The following UACA variants were observed in gnomAD, a reference collection of about 807,000 sequenced individuals.
UACA encodes the protein uveal autoantigen with coiled-coil domains and ankyrin repeats.
UACA carries 112 observed loss-of-function variants against 160.5 expected under a neutral mutation model. The ratio of observed to expected loss-of-function variants is 0.70; its 90% CI spans 0.60 to 0.82. UACA has a LOEUF of 0.82. UACA is among the 40% of genes least tolerant of loss of function. The pLI is 0.00. For missense variants in UACA, 1,574 were observed against 1,614.6 expected, an observed-to-expected ratio of 0.97 and a Z score of 0.43; for synonymous variants, 557 against 568.4, an observed-to-expected ratio of 0.98 and a Z score of 0.29.
At position 70,705,036 on chromosome 15, in the gene UACA, G is replaced by A. The variant is rs529012087; in HGVS notation, c.79-5376C>T. On this transcript the variant is annotated intron_variant, in intron 1 of 18. Transcript: ENST00000322954. ...ACTCAGCAGTGTATGAGTGGTTGAA[G>A]TATGTGACTGCTGGGATTGGCCAAG... 3.3e-5 allele frequency among the ~76,000 whole-genome samples: 5 copies of A among 152,314 alleles called. No individual in the cohort carries two copies. In the East Asian group the frequency reaches 9.7e-4, roughly 29 times the overall value.
intron 18 of UACA, 115 bp downstream of exon 18, chr15:70,660,036 A>G (rs995253300): frequency 1.8e-5 from 14 of 757,996 alleles, no homozygotes; most frequent in Admixed American, 1.6e-4. Context: ...TTTTTAAATA[A>G]GCATAGGGGG....
At chr15:70,760,518 G>T (rs2030683385) in intron 1 of UACA, among the ~76,000 whole-genome samples, 1 of 152,050 alleles carries the variant, frequency 6.6e-6, no homozygotes, top group Non-Finnish European at 1.5e-5. Flanking sequence ...TAGAAAAATG[G>T]AAAGGACAGG....
intron 15 of UACA, among the ~76,000 whole-genome samples, chr15:70,670,150 G>T (rs1043196209): frequency 6.6e-6 from 1 of 152,132 alleles, no homozygotes; most frequent in Non-Finnish European, 1.5e-5. Context: ...TAAGATCTCC[G>T]GAGCTGGGTG....
chr15:70,670,812 A>C (rs1052800832), intron 15 of UACA, among the ~76,000 whole-genome samples: 1 of 152,182 alleles, frequency 6.6e-6, no homozygotes. Flanking sequence ...CTATAATTCA[A>C]ATCTCTTATT....
intron 1 of UACA, among the ~76,000 whole-genome samples, chr15:70,716,501 C>G (rs1898825502): frequency 1.3e-5 from 2 of 152,142 alleles, no homozygotes; most frequent in Non-Finnish European, 2.9e-5. Context: ...GAATCTAGAG[C>G]CTAGATTCTC....
At chr15:70,701,967 A>G in intron 1 of UACA, 2 of 1,606,312 alleles carry the variant, frequency 1.2e-6, no homozygotes, top group South Asian at 2.2e-5. Flanking sequence ...GCATTAAGTT[A>G]CAAATCTCTG....
the UACA span, among the ~76,000 whole-genome samples, chr15:70,773,777 GA>G: frequency 6.6e-6 from 1 of 152,174 alleles, no homozygotes; most frequent in South Asian, 2.1e-4. Context: ...AAGAAGATAT[GA>G]AATAGCCAAT....
Position 70,691,312 on chromosome 15 carries a change from T to G in UACA, c.353A>C (p.Gln118Pro), listed in dbSNP as rs1160109907. Residue 118 changes from glutamine (Q) to proline (P), a missense_variant, in exon 4 of 19, where the codon CAA (glutamine) becomes CCA (proline). By Grantham distance (76) the Gln-to-Pro change is moderately conservative (BLOSUM62 -1). Transcript: ENST00000322954. ...AAKYGHALCLQKLLQYNCPTE... is the reference protein window; with the variant it reads ...AAKYGHALCLPKLLQYNCPTE... ...CACTTCCACTACCTGTAGAAGTTTT[T>G]GTAGGCACAATGCATGTCCATACTT... 6.2e-7 allele frequency: 1 copy of G among 1,605,882 alleles called. No individual in the cohort carries two copies. The highest frequency in any genetic ancestry group is 8.5e-7 in the Non-Finnish European group (1 of 1,175,834).
intron 15 of UACA, among the ~76,000 whole-genome samples, 178 bp from the exon 16 acceptor site, chr15:70,669,640 G>C (rs1276808526): frequency 6.6e-6 from 1 of 152,124 alleles, no homozygotes; most frequent in Non-Finnish European, 1.5e-5. Context: ...AACAGTTCTG[G>C]ATATGATTTC....
chr15:70,688,328 T>C (rs1239283641), intron 5 of UACA, among the ~76,000 whole-genome samples: 1 of 152,172 alleles, frequency 6.6e-6, no homozygotes, highest in African/African-American at 2.4e-5. Context: ...AATCACATTA[T>C]GCTTCTTTGA....
Position 70,657,106 on chromosome 15 carries a change from G to C in UACA, c.4201C>G (p.Gln1401Glu). The C allele has an allele frequency of 4.3e-6, 7 of 1,614,108 alleles. No homozygotes were observed. Among genetic ancestry groups the C allele is most frequent in the Non-Finnish European group, 5.9e-6 (7 of 1,179,976 alleles). Residue 1401 changes from glutamine (Q) to glutamate (E), a missense_variant, in exon 19 of 19, where the codon CAG becomes GAG. By Grantham distance (29) the Gln-to-Glu change is conservative. Transcript: ENST00000322954. ...AAQGHMDEDVQEALLQIIQMR... is the reference protein window; with the variant it reads ...AAQGHMDEDVEEALLQIIQMR... ...TGTATGATCTGGAGCAGAGCCTCCTGAACATCTTCATCCATGTGACCCTTC... is the reference window on the plus strand; with the variant it reads ...TGTATGATCTGGAGCAGAGCCTCCTCAACATCTTCATCCATGTGACCCTTC...
At chr15:70,773,032 C>A in the UACA span, among the ~76,000 whole-genome samples, 2 of 139,080 alleles carry the variant, frequency 1.4e-5, no homozygotes. Flanking sequence ...GGCGACAGAG[C>A]AAGACTTCAT....
At chr15:70,697,975 G>A (rs1439440199) in intron 2 of UACA, among the ~76,000 whole-genome samples, 3 of 152,136 alleles carry the variant, frequency 2.0e-5, no homozygotes, top group South Asian at 2.1e-4. Flanking sequence ...GCTTGAACCC[G>A]GGAGACAGAG....
Position 70,668,096 on chromosome 15 carries a change from T to C in UACA, c.2588A>G (p.Lys863Arg), listed in dbSNP as rs1896996541. Residue 863 changes from lysine (K) to arginine (R), a missense_variant, in exon 16 of 19, where the codon AAA becomes AGA. By Grantham distance (26) the Lys-to-Arg change is conservative. Transcript: ENST00000322954. ...KMMSNQYVPVKTHEEVKMTLN... is the reference protein window; with the variant it reads ...KMMSNQYVPVRTHEEVKMTLN... Reference sequence around the variant, plus strand: ...TGTCATTTTAACCTCTTCATGGGTTTTAACTGGCACATACTGATTACTCAT... The same window carrying C: ...TGTCATTTTAACCTCTTCATGGGTTCTAACTGGCACATACTGATTACTCAT... 4 of 1,613,608 alleles carry C rather than the reference T, an allele frequency of 2.5e-6. No homozygotes were observed. The highest frequency in any genetic ancestry group is 3.4e-6 in the Non-Finnish European group (4 of 1,179,958).
chr15:70,741,377 C>T (rs918023715), intron 1 of UACA, among the ~76,000 whole-genome samples: 3 of 152,142 alleles, frequency 2.0e-5, no homozygotes, highest in African/African-American at 7.2e-5. Context: ...GGATCTGGGG[C>T]ATGTGCTGAT....
At chr15:70,756,845 C>T (rs2141016669) in intron 1 of UACA, among the ~76,000 whole-genome samples, 1 of 152,298 alleles carries the variant, frequency 6.6e-6, no homozygotes, top group South Asian at 2.1e-4. Context: ...TGCACTCCAG[C>T]TGGGGCAACA....
the UACA span, among the ~76,000 whole-genome samples, chr15:70,771,533 T>C: frequency 4.6e-5 from 7 of 152,202 alleles, no homozygotes; most frequent in East Asian, 1.9e-4. Flanking sequence ...CCAGCAAGTA[T>C]TGGTTTTCAG....
chr15:70,685,461 C>A (rs1897676507), intron 7 of UACA, among the ~76,000 whole-genome samples: 1 of 152,072 alleles, frequency 6.6e-6, no homozygotes, highest in Non-Finnish European at 1.5e-5. Context: ...CAAGCCTTGT[C>A]CCCCAACTCC....
At chr15:70,680,003 C>T (rs1274720841) in intron 9 of UACA, 3 of 151,370 alleles carry the variant, frequency 2.0e-5, no homozygotes, top group African/African-American at 7.5e-5. Flanking sequence ...CTATAAAGCA[C>T]TGCATTGCCA....
Sources: allele counts gnomAD v4.1 joint callset (sites outside exome capture counted in the v4.1 genomes callset), GRCh38; gene constraint gnomAD v4.1.1; transcripts MANE v1.5; gene names NCBI Gene and HGNC (gene_info 2026-07-23, HGNC 2026-07-21).